ZFPM2: variants seen among roughly 807,000 people sequenced by gnomAD.
The protein encoded by ZFPM2 is zinc finger protein ZFPM2.
ZFPM2 carries 20 observed loss-of-function variants against 98.6 expected under a neutral mutation model. The ratio of observed to expected loss-of-function variants is 0.20; its 90% CI spans 0.14 to 0.29. The LOEUF is 0.29. Among genes scored for constraint, ZFPM2 ranks in the 10% least tolerant of loss-of-function variants. The pLI is 1.00. For synonymous variants in ZFPM2, 518 were observed against 502.7 expected, an observed-to-expected ratio of 1.03 and a Z score of -0.41; for missense variants, 1,310 against 1,388.6, an observed-to-expected ratio of 0.94 and a Z score of 0.90.
intron 5 of ZFPM2, among the ~76,000 whole-genome samples, chr8:105,736,234 G>T (rs1812070148): frequency 6.6e-6 from 1 of 151,544 alleles, no homozygotes; most frequent in Non-Finnish European, 1.5e-5. Flanking sequence ...ACCTAATGAG[G>T]GTAGGGACAA....
At chr8:105,366,686 T>C (rs1234978387) in intron 1 of ZFPM2, among the ~76,000 whole-genome samples, 3 of 97,452 alleles carry the variant, frequency 3.1e-5, no homozygotes, top group Admixed American at 1.6e-4. Flanking sequence ...CACCCCACCA[T>C]AGTCCCCAGA....
chr8:105,796,443 C>T (rs1029879738), intron 6 of ZFPM2, among the ~76,000 whole-genome samples: 1 of 152,100 alleles, frequency 6.6e-6, no homozygotes, highest in Non-Finnish European at 1.5e-5. Context: ...ACTGTGTAGC[C>T]TCATGAATAG....
At chr8:105,461,136 C>A (rs1812697602) in intron 3 of ZFPM2, among the ~76,000 whole-genome samples, 1 of 151,912 alleles carries the variant, frequency 6.6e-6, no homozygotes, top group Non-Finnish European at 1.5e-5. Context: ...TAGCTTAAGG[C>A]TACTATTTCA....
chr8:105,481,244 T>C (rs1436918837), intron 3 of ZFPM2, among the ~76,000 whole-genome samples: 1 of 152,140 alleles, frequency 6.6e-6, no homozygotes, highest in East Asian at 1.9e-4. Flanking sequence ...TTTGTTTTGC[T>C]CCACTGTATT....
At chr8:105,372,105 T>C (rs1303676648) in intron 1 of ZFPM2, among the ~76,000 whole-genome samples, 1 of 151,840 alleles carries the variant, frequency 6.6e-6, no homozygotes, top group Non-Finnish European at 1.5e-5. Context: ...TGCAGTGGCG[T>C]GATCTCGGCT....
intron 1 of ZFPM2, among the ~76,000 whole-genome samples, chr8:105,381,534 A>G (rs955611379): frequency 2.6e-5 from 4 of 152,108 alleles, no homozygotes; most frequent in Non-Finnish European, 5.9e-5. Context: ...ACACAAGTTC[A>G]AATCATATAA....
At chr8:105,365,921 G>C (rs1372216690) in intron 1 of ZFPM2, among the ~76,000 whole-genome samples, 1 of 152,076 alleles carries the variant, frequency 6.6e-6, no homozygotes, top group African/African-American at 2.4e-5. Context: ...AGAATCCTCA[G>C]TTTTCAAAAA....
At chr8:105,658,505 G>A (rs1817327719) in intron 5 of ZFPM2, among the ~76,000 whole-genome samples, 1 of 57,454 alleles carries the variant, frequency 1.7e-5, no homozygotes, top group African/African-American at 8.4e-5. Context: ...GGAGAATGGC[G>A]TGAACCCCAG....
chr8:105,684,236 T>A (rs758346659), intron 5 of ZFPM2, among the ~76,000 whole-genome samples: 2 of 152,182 alleles, frequency 1.3e-5, no homozygotes, highest in Non-Finnish European at 2.9e-5. Flanking sequence ...CTTAATTTGT[T>A]ATATACGTCC....
chr8:105,323,283 C>CT (rs1483568181), intron 1 of ZFPM2, among the ~76,000 whole-genome samples: 1 of 151,380 alleles, frequency 6.6e-6, no homozygotes, highest in African/African-American at 2.4e-5. Flanking sequence ...GTTAGAATGT[C>CT]TTTTTTTTCT....
At chr8:105,705,908 A>T (rs1215059662) in intron 5 of ZFPM2, among the ~76,000 whole-genome samples, 1 of 152,192 alleles carries the variant, frequency 6.6e-6, no homozygotes, top group Non-Finnish European at 1.5e-5. Flanking sequence ...TGACTAATAG[A>T]TATCCTTCCT....
intron 1 of ZFPM2, among the ~76,000 whole-genome samples, chr8:105,358,871 C>G (rs1306246410): frequency 1.3e-5 from 2 of 152,274 alleles, no homozygotes; most frequent in African/African-American, 2.4e-5. Context: ...AGGAGAATCA[C>G]TTGAACCCGG....
chr8:105,440,830 A>C (rs913249722), intron 2 of ZFPM2, among the ~76,000 whole-genome samples: 3 of 152,156 alleles, frequency 2.0e-5, no homozygotes, highest in South Asian at 2.1e-4. Flanking sequence ...CTGCTATGCT[A>C]TCAGTGCCTC....
chr8:105,766,789 T>C (rs534835290), intron 5 of ZFPM2, among the ~76,000 whole-genome samples: 1 of 151,978 alleles, frequency 6.6e-6, no homozygotes, highest in Admixed American at 6.6e-5. Context: ...TAGACCTTTA[T>C]AGGTTGGCAA....
chr8:105,644,398 C>G (rs191469376), intron 5 of ZFPM2, among the ~76,000 whole-genome samples: 13 of 151,644 alleles, frequency 8.6e-5, no homozygotes, highest in Non-Finnish European at 1.5e-4. Context: ...CTACCACACT[C>G]GGCTCTCTAT....
In ZFPM2 at chr8:105,798,858, C is replaced by T. The variant is rs1312852783; in HGVS notation, c.874C>T (p.His292Tyr). The T allele has an allele frequency of 6.2e-7, 1 of 1,613,842 alleles. No homozygotes were observed. The highest frequency in any genetic ancestry group is 1.3e-5 in the African/African-American group (1 of 74,900). The change falls in exon 7 of 8, where the codon CAT becomes TAT. Residue 292 changes from histidine (H) to tyrosine (Y), a missense_variant. Transcript: ENST00000407775. The stretch of plus-strand genomic sequence containing the variant: ...GTCAGAGGAAAATGAAGACAGTGCC[C>T]ATCAGATTTCCAGCCTGTGCCCCTT... ...PVSEENEDSA[H>Y]QISSLCPFPQ...
intron 5 of ZFPM2, among the ~76,000 whole-genome samples, chr8:105,753,089 G>A (rs538141045): frequency 1.3e-5 from 2 of 152,190 alleles, no homozygotes; most frequent in Non-Finnish European, 2.9e-5. Flanking sequence ...ACCCAAAGGG[G>A]GCGTGCTCCT....
At chr8:105,614,398 T>A (rs1329206101) in intron 4 of ZFPM2, among the ~76,000 whole-genome samples, 4 of 152,134 alleles carry the variant, frequency 2.6e-5, no homozygotes, top group Non-Finnish European at 5.9e-5. Context: ...GCAAAAAAAG[T>A]TTCAGTAGAC....
At position 105,462,642 on chromosome 8, in the gene ZFPM2, TG is replaced by T. The variant is rs537152004; in HGVS notation, c.301+18262del. On this transcript the variant is annotated intron_variant, in intron 3 of 7. Transcript: ENST00000407775. ...ATGCTTCATAGGGCTTTATATTATA[TG>T]AGTGAATTAATGAAAAGAGTGCCTG... Among the ~76,000 whole-genome samples, 478 of 152,260 alleles carry T rather than the reference TG, an allele frequency of 3.1e-3. 2 individuals are homozygous for T. The highest frequency in any genetic ancestry group is 5.1e-3 in the Admixed American group (78 of 15,284).
Sources: allele counts gnomAD v4.1 joint callset (sites outside exome capture counted in the v4.1 genomes callset), GRCh38; gene constraint gnomAD v4.1.1; transcripts MANE v1.5; gene names NCBI Gene and HGNC (gene_info 2026-07-23, HGNC 2026-07-21).